PLXND1: variants seen among roughly 807,000 people sequenced by gnomAD.
PLXND1 encodes the protein plexin-D1.
PLXND1 carries 54 observed loss-of-function variants against 197.7 expected under a neutral mutation model. The ratio of observed to expected loss-of-function variants is 0.27; its 90% CI spans 0.22 to 0.34. The LOEUF is 0.34. Among genes scored for constraint, PLXND1 ranks in the 10% least tolerant of loss-of-function variants. The probability of loss-of-function intolerance (pLI) is 1.00; values close to 1 mark genes in which losing one functional copy is unlikely to be tolerated. For synonymous variants in PLXND1, 1,180 were observed against 1,161.2 expected (o/e 1.02, Z -0.33); for missense variants, 2,127 against 2,699.2 (o/e 0.79, Z 4.70).
chr3:129,584,055 A>G lies in PLXND1; in HGVS notation c.2138+70T>C, dbSNP rs193057786. ...GATTTTTCTTCTCAGGGCCCCCTGA[A>G]AGCAAAGACCCTTCCCGGGGATGCG... On this transcript the variant is annotated intron_variant, in intron 7 of 35. Coordinates refer to ENST00000324093, the MANE Select transcript of PLXND1 (RefSeq NM_015103.3). 453 of 1,022,614 alleles carry G rather than the reference A, an allele frequency of 4.4e-4. 1 individual carries two copies. The African/African-American group carries it at 6.7e-3, about 15-fold the overall frequency. The allele number at this position is 1,022,614 out of a possible 1,614,324, so 63.3% of individuals were successfully genotyped here.
At chr3:129,583,489 G>A in intron 8 of PLXND1, 78 bp downstream of exon 8, 1 of 924,010 alleles carries the variant, frequency 1.1e-6, no homozygotes, top group Non-Finnish European at 1.7e-6. Context: ...CAAAGGCATT[G>A]AAACATTCTC....
In PLXND1 at chr3:129,558,686, C is replaced by T. The variant is rs964411714; in HGVS notation, c.5298-111G>A. 3.7e-6 allele frequency: 4 copies of T among 1,087,694 alleles called. No individual in the cohort carries two copies. Among genetic ancestry groups the T allele is most frequent in the Non-Finnish European group, 4.0e-6 (3 of 746,882 alleles). 67.4% of individuals were successfully genotyped at this position (1,087,694 alleles called of 1,614,324 possible). A position where few individuals can be genotyped will look rare whatever the true frequency, so the allele number is the denominator to read the frequency against. On this transcript the variant is annotated intron_variant, in intron 32 of 35. Coordinates refer to ENST00000324093, the MANE Select transcript of PLXND1 (RefSeq NM_015103.3). The surrounding 1 kb of genome is among the most constrained non-coding windows in gnomAD (Gnocchi z 4.1). ...GTCCCTCAAGGGCCTGAGGTTGGAG[C>T]CTTGTCACAAGATGTGACCTTTGGG...
At chr3:129,581,997 G>A (rs74536763) in intron 8 of PLXND1, among the ~76,000 whole-genome samples, 7,795 of 152,282 alleles carry the variant, frequency 0.051, 288 homozygotes, top group East Asian at 0.11. Flanking sequence ...ACAGGAGCAG[G>A]AGTCCTAGTG....
At position 129,558,628 on chromosome 3, in the gene PLXND1, C is replaced by T. The variant is rs907355177; in HGVS notation, c.5298-53G>A. 21 of 1,566,848 alleles carry T rather than the reference C, an allele frequency of 1.3e-5. No homozygotes were observed. The highest frequency in any genetic ancestry group is 2.3e-5 in the South Asian group (2 of 87,996). On this transcript the variant is annotated intron_variant, in intron 32 of 35. Coordinates refer to ENST00000324093, the MANE Select transcript of PLXND1 (RefSeq NM_015103.3). The surrounding 1 kb of genome is among the most constrained non-coding windows in gnomAD (Gnocchi z 4.1). ...AGGGTAGGGTGGGGTAGGAAGCAGTCGAGGGACAGTTGTGGAGGAGAGAGC... is the reference window on the plus strand; with the variant it reads ...AGGGTAGGGTGGGGTAGGAAGCAGTTGAGGGACAGTTGTGGAGGAGAGAGC...
intron 30 of PLXND1, 62 bp from the exon 31 acceptor site, chr3:129,560,496 G>T: frequency 8.3e-7 from 1 of 1,203,110 alleles, no homozygotes; most frequent in Non-Finnish European, 1.2e-6. Context: ...CCTGTGGGAG[G>T]TCTGGCTCTG....
chr3:129,580,006 C>A (rs1043916794), intron 8 of PLXND1, among the ~76,000 whole-genome samples: 5 of 152,274 alleles, frequency 3.3e-5, no homozygotes, highest in African/African-American at 7.2e-5. Context: ...CCGTTCTGAG[C>A]ACTTTGCACT....
chr3:129,564,450 A>G (rs571023961), intron 25 of PLXND1, among the ~76,000 whole-genome samples: 3 of 152,382 alleles, frequency 2.0e-5, no homozygotes, highest in East Asian at 3.9e-4. Flanking sequence ...GTTTGGGACC[A>G]GCCTGTGCAA....
At chr3:129,570,080 A>C in intron 19 of PLXND1, 123 bp from the exon 20 acceptor site, 1 of 661,686 alleles carries the variant, frequency 1.5e-6, no homozygotes, top group Non-Finnish European at 2.8e-6. Context: ...TGCCACACTG[A>C]TAACATAGAG....
Position 129,556,635 on chromosome 3 carries a change from G to T in PLXND1, c.5643C>A (p.Ala1881=). ...CACTCACCTGCGGCCGATACCTCTT[G>T]GCGTACTTATAAATCTCTGCCATGG... is the stretch of plus-strand genomic sequence containing the variant. ...NVAMAEIYKY[A]KRYRPQIMAA... is the part of the protein sequence containing the mutation. Residue 1881 remains alanine (A), a synonymous_variant, in exon 35 of 36, where the codon GCC becomes GCA. Transcript: ENST00000324093. 6.2e-7 allele frequency: 1 copy of T among 1,612,852 alleles called. No homozygotes were observed. Among genetic ancestry groups the T allele is most frequent in the Admixed American group, 1.7e-5 (1 of 59,904 alleles).
chr3:129,584,394 G>A lies in PLXND1; in HGVS notation c.2020C>T (p.Pro674Ser). The change falls in exon 6 of 36, where the codon CCC (proline) becomes TCC (serine). Residue 674 changes from proline (P) to serine (S), a missense_variant. By Grantham distance (74) the Pro-to-Ser change is moderately conservative. This residue lies in a region of PLXND1 where 1,095 missense variants were observed against 1,259.8 expected (regional missense o/e 0.87). Coordinates refer to ENST00000324093, the MANE Select transcript of PLXND1 (RefSeq NM_015103.3). ...LPRDQFPPFP[P>S]NQDHVTVEMS... ...AGCACAGCGTGCTTACCCTGGTTGG[G>A]GGGGAAGGGCGGAAACTGGTCCCTC... 1 of 1,612,424 alleles carries A rather than the reference G, an allele frequency of 6.2e-7. No individual in the cohort carries two copies.
Position 129,555,475 on chromosome 3 carries a change from C to G in PLXND1, c.*837G>C. On this transcript the variant is annotated 3_prime_UTR_variant, in exon 36 of 36. Transcript: ENST00000324093. Reference sequence around the variant, plus strand: ...GCATGGGGAGCCTCTCGGGACCCCTCCCCGGGTCCTCTGCGCAAGCGGCAG... The same window carrying G: ...GCATGGGGAGCCTCTCGGGACCCCTGCCCGGGTCCTCTGCGCAAGCGGCAG... The G allele has an allele frequency of 1.5e-6, 1 of 680,364 alleles. No individual in the cohort carries two copies. The highest frequency in any genetic ancestry group is 2.6e-6 in the Non-Finnish European group (1 of 379,412). The allele number at this position is 680,364 out of a possible 1,614,324, so 42.1% of individuals were successfully genotyped here. A position where few individuals can be genotyped will look rare whatever the true frequency, so the allele number is the denominator to read the frequency against.
At chr3:129,575,949 G>T in intron 9 of PLXND1, 94 bp from the exon 10 acceptor site, 1 of 752,678 alleles carries the variant, frequency 1.3e-6, no homozygotes, top group South Asian at 1.5e-5. Context: ...GGCTCCTGCT[G>T]GGAAAGGTGG....
Position 129,596,445 on chromosome 3 carries a change from C to A in PLXND1, c.1312-6918G>T, listed in dbSNP as rs531650093. On this transcript the variant is annotated intron_variant, in intron 1 of 35. Coordinates refer to ENST00000324093, the MANE Select transcript of PLXND1 (RefSeq NM_015103.3). ...CATGAAGCTGTTTCTCATTCCGGCC[C>A]GGCCTGGCCCCATTTCCAGCTCCCC... Among the ~76,000 whole-genome samples, 11 of 152,274 alleles carry A rather than the reference C, an allele frequency of 7.2e-5. No homozygotes were observed. In the East Asian group the frequency reaches 2.1e-3, roughly 29 times the overall value.
intron 22 of PLXND1, 23 bp downstream of exon 22, chr3:129,567,469 G>A: frequency 1.4e-6 from 2 of 1,411,326 alleles, no homozygotes; most frequent in Non-Finnish European, 2.0e-6. Context: ...ACAGGTTCAG[G>A]GCAGGCTCAG....
At position 129,560,236 on chromosome 3, in the gene PLXND1, G is replaced by A. The variant is rs371946390; in HGVS notation, c.5133+94C>T. On this transcript the variant is annotated intron_variant, in intron 31 of 35. Coordinates refer to ENST00000324093, the MANE Select transcript of PLXND1 (RefSeq NM_015103.3). ...AAGAACTCACACCCCTCTCCCAGCCGCGGGTGCACAGCTGGCCCTGAGCAA... is the reference window on the plus strand; with the variant it reads ...AAGAACTCACACCCCTCTCCCAGCCACGGGTGCACAGCTGGCCCTGAGCAA... 277 of 772,532 alleles carry A rather than the reference G, an allele frequency of 3.6e-4. 2 individuals carry two copies. The South Asian group carries it at 4.2e-3, about 12-fold the overall frequency. 47.9% of individuals were successfully genotyped at this position (772,532 alleles called of 1,614,324 possible).
chr3:129,591,876 G>T (rs1345117731), intron 1 of PLXND1, among the ~76,000 whole-genome samples: 1 of 152,034 alleles, frequency 6.6e-6, no homozygotes, highest in Non-Finnish European at 1.5e-5. Context: ...TGTAAAGCAG[G>T]TCTCCCCCGA....
chr3:129,562,241 G>A (rs868355276), intron 27 of PLXND1, among the ~76,000 whole-genome samples: 4 of 151,240 alleles, frequency 2.6e-5, no homozygotes, highest in Admixed American at 6.7e-5. Context: ...GGCCCCGCGC[G>A]GTGGCTCACA....
At chr3:129,601,544 C>T (rs189284361) in intron 1 of PLXND1, among the ~76,000 whole-genome samples, 1 of 152,326 alleles carries the variant, frequency 6.6e-6, no homozygotes, top group African/African-American at 2.4e-5. Context: ...CCCTGGGGTC[C>T]TGCCCCATGT....
In PLXND1 at chr3:129,555,753, G is replaced by C; in HGVS notation, c.*559C>G. The C allele has an allele frequency of 2.1e-6, 1 of 482,058 alleles. No individual in the cohort carries two copies. The highest frequency in any genetic ancestry group is 3.6e-6 in the Non-Finnish European group (1 of 276,494). The allele number at this position is 482,058 out of a possible 1,614,324, so 29.9% of individuals were successfully genotyped here. A position where few individuals can be genotyped will look rare whatever the true frequency, so the allele number is the denominator to read the frequency against. Reference sequence around the variant, plus strand: ...GCGGGCACTGCCCACTCTACCAACAGCCGCCCAAGCAACAAAAATCTGACA... The same window carrying C: ...GCGGGCACTGCCCACTCTACCAACACCCGCCCAAGCAACAAAAATCTGACA... On this transcript the variant is annotated 3_prime_UTR_variant, in exon 36 of 36. Coordinates refer to ENST00000324093, the MANE Select transcript of PLXND1 (RefSeq NM_015103.3).
Sources: allele counts gnomAD v4.1 joint callset (sites outside exome capture counted in the v4.1 genomes callset), GRCh38; gene constraint gnomAD v4.1.1; regional missense constraint gnomAD v4.1.1; non-coding constraint Gnocchi (gnomAD v3.1); transcripts MANE v1.5; gene names NCBI Gene and HGNC (gene_info 2026-07-23, HGNC 2026-07-21).